Variants in PCDHA12 observed in about 807,000 individuals in gnomAD.
The protein encoded by PCDHA12 is protocadherin alpha 12.
In PCDHA12, 44 loss-of-function variants were observed where a neutral mutation model predicts 60.0. The observed-to-expected ratio is 0.73, with a 90% CI of 0.58 to 0.94. PCDHA12 has a LOEUF of 0.94. Ranked by LOEUF, PCDHA12 falls within the 40% of genes least tolerant of loss-of-function variation. The pLI is 0.00. For missense variants in PCDHA12, 1,276 were observed against 1,239.7 expected (o/e 1.03, Z -0.44); for synonymous variants, 569 against 553.0 (o/e 1.03, Z -0.40).
At position 140,969,018 on chromosome 5, in the gene PCDHA12, G is replaced by A. The variant is rs143196630; in HGVS notation, c.2368-9931G>A. On this transcript the variant is annotated intron_variant, in intron 1 of 3. Transcript: ENST00000398631. ...GGAGGCTTCTGTGGAGTAAGGGAAA[G>A]GTCCCCTGCAGAACTGTACAAACAA... 33 of 1,614,058 alleles carry A rather than the reference G, an allele frequency of 2.0e-5. 1 individual carries two copies. In the Middle Eastern group the frequency reaches 4.9e-4, roughly 24 times the overall value.
chr5:140,938,875 C>T (rs2092238013), intron 1 of PCDHA12, among the ~76,000 whole-genome samples: 1 of 151,912 alleles, frequency 6.6e-6, no homozygotes. Flanking sequence ...AGTTAAGAAG[C>T]AACACACACA....
chr5:140,904,082 C>T (rs1189911248), intron 1 of PCDHA12, among the ~76,000 whole-genome samples: 3 of 152,108 alleles, frequency 2.0e-5, no homozygotes, highest in African/African-American at 7.2e-5. Context: ...TATTTGGTTA[C>T]ATGAATAACT....
At chr5:140,920,841 T>TAAAAA (rs781921146) in intron 1 of PCDHA12, among the ~76,000 whole-genome samples, 2 of 109,230 alleles carry the variant, frequency 1.8e-5, no homozygotes, top group Non-Finnish European at 1.9e-5. Flanking sequence ...AGACCAAATC[T>TAAAAA]AAAAAAAAAA....
chr5:140,959,525 C>G (rs1356711808), intron 1 of PCDHA12, among the ~76,000 whole-genome samples: 1 of 151,910 alleles, frequency 6.6e-6, no homozygotes, highest in Non-Finnish European at 1.5e-5. Flanking sequence ...TCTTTAAGAC[C>G]ATTAATTCAG....
intron 1 of PCDHA12, among the ~76,000 whole-genome samples, chr5:140,941,207 C>CTTCCTTTCTT (rs1563185091): frequency 3.9e-5 from 4 of 103,272 alleles, no homozygotes; most frequent in African/African-American, 1.7e-4. Context: ...TTCTTCCTTT[C>CTTCCTTTCTT]TTTCTTCCTT....
intron 1 of PCDHA12, chr5:140,927,514 G>T: frequency 6.2e-7 from 1 of 1,614,056 alleles, no homozygotes; most frequent in Non-Finnish European, 8.5e-7. Flanking sequence ...AGCTCGGGAC[G>T]GCGGGCTACC....
Position 140,965,232 on chromosome 5 carries a change from G to T in PCDHA12, c.2368-13717G>T, listed in dbSNP as rs192008157. ...TCCTGTGGAAGAAATGTGAGAACCT[G>T]GGAAGAGTGAATATTCAGAACTGAG... On this transcript the variant is annotated intron_variant, in intron 1 of 3. Coordinates refer to ENST00000398631, the MANE Select transcript of PCDHA12 (RefSeq NM_018903.4). Among the ~76,000 whole-genome samples, 4 of 152,312 alleles carry T rather than the reference G, an allele frequency of 2.6e-5. No individual in the cohort carries two copies. In the East Asian group the frequency reaches 7.7e-4, roughly 29 times the overall value.
At position 140,887,760 on chromosome 5, in the gene PCDHA12, A is replaced by AT. The variant is rs1233050056; in HGVS notation, c.2367+9922dup. On this transcript the variant is annotated intron_variant, in intron 1 of 3. Coordinates refer to ENST00000398631, the MANE Select transcript of PCDHA12 (RefSeq NM_018903.4). Reference sequence around the variant, plus strand: ...CCTTTCTGAGACTCCAGTAACACATATGTTACAATGACACAGGTCATTGAA... The same window carrying AT: ...CCTTTCTGAGACTCCAGTAACACATATTGTTACAATGACACAGGTCATTGAA... Among the ~76,000 whole-genome samples, 21 of 152,264 alleles carry AT rather than the reference A, an allele frequency of 1.4e-4. No individual in the cohort carries two copies. In the East Asian group the frequency reaches 4.1e-3, roughly 29 times the overall value.
intron 1 of PCDHA12, chr5:140,882,487 C>G: frequency 6.2e-7 from 1 of 1,614,054 alleles, no homozygotes; most frequent in Non-Finnish European, 8.5e-7. Flanking sequence ...GACACGGGGA[C>G]CTTCTGGAGG....
intron 1 of PCDHA12, chr5:140,883,601 G>T: frequency 1.2e-6 from 2 of 1,614,022 alleles, no homozygotes; most frequent in Non-Finnish European, 1.7e-6. Flanking sequence ...GTCGGTGGGG[G>T]TGGCCGACGT....
At chr5:140,978,827 G>T (rs2096825118) in intron 1 of PCDHA12, 122 bp from the exon 2 acceptor site, 2 of 1,528,744 alleles carry the variant, frequency 1.3e-6, no homozygotes, top group Admixed American at 2.0e-5. Flanking sequence ...ACATGAAATG[G>T]CTCATTCAAT....
intron 1 of PCDHA12, among the ~76,000 whole-genome samples, chr5:140,913,389 C>T (rs1427012396): frequency 6.6e-6 from 1 of 152,122 alleles, no homozygotes; most frequent in Admixed American, 6.5e-5. Flanking sequence ...CTCATCATAG[C>T]CACTAATGAT....
At chr5:140,955,312 C>T (rs1022804259) in intron 1 of PCDHA12, among the ~76,000 whole-genome samples, 2 of 152,100 alleles carry the variant, frequency 1.3e-5, no homozygotes, top group Admixed American at 6.6e-5. Flanking sequence ...ACCCAAATCT[C>T]ACCTTGAATT....
chr5:140,969,400 T>C (rs782765994), intron 1 of PCDHA12: 2 of 1,580,682 alleles, frequency 1.3e-6, no homozygotes, highest in South Asian at 2.3e-5. Flanking sequence ...TATCCTGTGA[T>C]TTGGCTTTAT....
intron 1 of PCDHA12, among the ~76,000 whole-genome samples, chr5:140,933,146 C>G (rs1554209206): frequency 1.3e-5 from 2 of 151,920 alleles, no homozygotes. Context: ...GATAGCCACT[C>G]ATTTTGTTCC....
intron 3 of PCDHA12, among the ~76,000 whole-genome samples, chr5:141,007,754 T>C (rs991882656): frequency 6.6e-6 from 1 of 152,172 alleles, no homozygotes; most frequent in African/African-American, 2.4e-5. Flanking sequence ...AACTTTGGAC[T>C]CTTATTGGCC....
At chr5:140,942,260 T>TA (rs2093256424) in intron 1 of PCDHA12, among the ~76,000 whole-genome samples, 1 of 152,086 alleles carries the variant, frequency 6.6e-6, no homozygotes, top group African/African-American at 2.4e-5. Flanking sequence ...AAAAGATATC[T>TA]AAAGCTGGTA....
intron 1 of PCDHA12, chr5:140,927,671 C>T (rs2084485955): frequency 6.2e-7 from 1 of 1,614,198 alleles, no homozygotes; most frequent in Non-Finnish European, 8.5e-7. Context: ...GCCTTGGATC[C>T]AGATGAAGGG....
intron 1 of PCDHA12, among the ~76,000 whole-genome samples, chr5:140,908,560 C>T (rs1562965261): frequency 6.6e-6 from 1 of 152,198 alleles, no homozygotes; most frequent in Non-Finnish European, 1.5e-5. Context: ...AGGCCAAGAG[C>T]TGTCTCTCAA....
Sources: allele counts gnomAD v4.1 joint callset (sites outside exome capture counted in the v4.1 genomes callset), GRCh38; gene constraint gnomAD v4.1.1; transcripts MANE v1.5; gene names NCBI Gene and HGNC (gene_info 2026-07-23, HGNC 2026-07-21).